The following KIAA0753 variants were observed in gnomAD, a reference collection of about 807,000 sequenced individuals.
KIAA0753 encodes KIAA0753, also known as protein moonraker.
KIAA0753 carries 114 observed loss-of-function variants against 116.9 expected under a neutral mutation model. The ratio of observed to expected loss-of-function variants is 0.98; its 90% CI spans 0.84 to 1.14. KIAA0753 has a LOEUF of 1.14. KIAA0753 is among the 50% of genes most tolerant of loss of function. The pLI is 0.00. For missense variants in KIAA0753, 1,156 were observed against 1,172.4 expected (o/e 0.99, Z 0.20); for synonymous variants, 405 against 413.1 (o/e 0.98, Z 0.24).
At chr17:6,606,717 CA>C (rs1384430661) in intron 12 of KIAA0753, among the ~76,000 whole-genome samples, 155 bp downstream of exon 12, 1 of 151,796 alleles carries the variant, frequency 6.6e-6, no homozygotes, top group Non-Finnish European at 1.5e-5. Flanking sequence ...CATTTCCTAG[CA>C]AAAAAATATG....
At chr17:6,619,195 C>T (rs1597565416) in intron 7 of KIAA0753, among the ~76,000 whole-genome samples, 1 of 151,926 alleles carries the variant, frequency 6.6e-6, no homozygotes, top group Non-Finnish European at 1.5e-5. Context: ...CATCACTGCA[C>T]TCCAGCCTGG....
chr17:6,594,964 ACACT>A lies in KIAA0753; in HGVS notation c.2440+4_2440+7del, dbSNP rs758401065. 10 of 1,597,868 alleles carry A rather than the reference ACACT, an allele frequency of 6.3e-6. No individual in the cohort carries two copies. Among genetic ancestry groups the A allele is most frequent in the East Asian group, 2.2e-5 (1 of 44,808 alleles). The stretch of plus-strand genomic sequence containing the variant: ...AATGTTAGGGGAAAAACATGGGGAA[ACACT>A]CACCATTGTTTTCTTCCTGCATCCA... On this transcript the variant is annotated splice_donor_5th_base_variant and intron_variant, in intron 16 of 18. Transcript: ENST00000361413.
chr17:6,620,356 T>C (rs763946352), intron 7 of KIAA0753, among the ~76,000 whole-genome samples: 38 of 151,824 alleles, frequency 2.5e-4, no homozygotes, highest in Non-Finnish European at 5.9e-5. Context: ...TAAATGTACG[T>C]ACTGTTATCA....
At chr17:6,606,819 G>T in intron 12 of KIAA0753, 54 bp downstream of exon 12, 1 of 1,470,702 alleles carries the variant, frequency 6.8e-7, no homozygotes, top group East Asian at 2.3e-5. Flanking sequence ...GAACTATCTA[G>T]ATCAATTAGA....
chr17:6,629,809 G>A lies in KIAA0753; in HGVS notation c.94-1068C>T, dbSNP rs181322376. ...TGACAAAACTTCAGGGAAGTATTTC[G>A]GATTTTTAAAAAGTAGTTAGAAAGC... is the stretch of plus-strand genomic sequence containing the variant. On this transcript the variant is annotated intron_variant, in intron 2 of 18. Coordinates refer to ENST00000361413, the MANE Select transcript of KIAA0753 (RefSeq NM_014804.3). Among the ~76,000 whole-genome samples, 19 of 152,168 alleles carry A rather than the reference G, an allele frequency of 1.2e-4. No individual in the cohort carries two copies. The South Asian group carries it at 2.9e-3, about 23-fold the overall frequency.
chr17:6,581,789 G>A (rs933894368), intron 18 of KIAA0753, among the ~76,000 whole-genome samples: 13 of 152,164 alleles, frequency 8.5e-5, no homozygotes, highest in African/African-American at 1.7e-4. Context: ...GATTTGGCCC[G>A]TAGGTGCCTC....
chr17:6,595,269 A>G (rs1969384353), intron 15 of KIAA0753, among the ~76,000 whole-genome samples: 1 of 152,226 alleles, frequency 6.6e-6, no homozygotes, highest in Non-Finnish European at 1.5e-5. Context: ...AGCACTGGCC[A>G]CTAGAAGCTG....
chr17:6,599,337 A>T lies in KIAA0753; in HGVS notation c.2089-17T>A. 6.6e-7 allele frequency: 1 copy of T among 1,521,858 alleles called. No homozygotes were observed. The highest frequency in any genetic ancestry group is 9.1e-7 in the Non-Finnish European group (1 of 1,096,854). 94.3% of individuals were successfully genotyped at this position (1,521,858 alleles called of 1,614,324 possible). On this transcript the variant is annotated splice_polypyrimidine_tract_variant and intron_variant, in intron 13 of 18. Transcript: ENST00000361413. The stretch of plus-strand genomic sequence containing the variant: ...ATTGACTCTCTATTAAAACAGACAA[A>T]TACATTCATGGAGTATAAAGACTTA...
chr17:6,607,475 G>A (rs979425482), intron 10 of KIAA0753, among the ~76,000 whole-genome samples: 20 of 152,208 alleles, frequency 1.3e-4, no homozygotes, highest in Middle Eastern at 3.4e-3. Flanking sequence ...AATGCACAAC[G>A]CAATGAGAAC....
chr17:6,586,827 A>T (rs1234353184), intron 18 of KIAA0753, among the ~76,000 whole-genome samples: 3 of 152,202 alleles, frequency 2.0e-5, no homozygotes, highest in African/African-American at 7.2e-5. Context: ...ACATTAAAAG[A>T]AAGGAAAAAA....
chr17:6,632,635 T>C (rs568966147), intron 2 of KIAA0753, among the ~76,000 whole-genome samples: 25 of 152,282 alleles, frequency 1.6e-4, no homozygotes, highest in Middle Eastern at 3.4e-3. Context: ...AACTTTACAA[T>C]GAAAAAACCA....
intron 16 of KIAA0753, among the ~76,000 whole-genome samples, chr17:6,591,377 G>C (rs1024364221): frequency 6.6e-6 from 1 of 152,152 alleles, no homozygotes. Flanking sequence ...ACAGAAGTAC[G>C]ATATAAGTCA....
chr17:6,626,436 C>T (rs1317564532), intron 3 of KIAA0753, among the ~76,000 whole-genome samples: 1 of 152,154 alleles, frequency 6.6e-6, no homozygotes, highest in Non-Finnish European at 1.5e-5. Context: ...TCTCAAGAGA[C>T]CCTATATGTC....
Position 6,620,866 on chromosome 17 carries a change from C to T in KIAA0753, c.1237G>A (p.Glu413Lys), listed in dbSNP as rs750334560. 3 of 1,614,204 alleles carry T rather than the reference C, an allele frequency of 1.9e-6. No homozygotes were observed. Among genetic ancestry groups the T allele is most frequent in the East Asian group, 2.2e-5 (1 of 44,878 alleles). ...ERWPSTSPKGERRPLTAKDTF... is the reference protein window; with the variant it reads ...ERWPSTSPKGKRRPLTAKDTF... ...TCCTTTGCTGTGAGGGGCCTCCTCT[C>T]ACCCTTTGGTGATGTACTTGGCCAT... Residue 413 changes from glutamate (E) to lysine (K), a missense_variant, in exon 7 of 19, where the codon GAG becomes AAG. By Grantham distance (56) the Glu-to-Lys change is moderately conservative (BLOSUM62 1). Coordinates refer to ENST00000361413, the MANE Select transcript of KIAA0753 (RefSeq NM_014804.3).
intron 1 of KIAA0753, chr17:6,640,005 TG>T: frequency 6.5e-6 from 1 of 152,810 alleles, no homozygotes; most frequent in Non-Finnish European, 1.5e-5. Flanking sequence ...CGATGGAGCC[TG>T]GGGTCCCAGG....
intron 8 of KIAA0753, among the ~76,000 whole-genome samples, chr17:6,611,366 T>C (rs1970533208): frequency 6.6e-6 from 1 of 152,058 alleles, no homozygotes; most frequent in Non-Finnish European, 1.5e-5. Context: ...AGTGGATCGA[T>C]CACAGCTCAC....
Position 6,606,696 on chromosome 17 carries a change from C to T in KIAA0753, c.2009+177G>A, listed in dbSNP as rs548654409. Reference sequence around the variant, plus strand: ...TTTTTCAGTTCTCCTTCAAACTCCACACAAAAGAAGCATTTCCTAGCAAAA... The same window carrying T: ...TTTTTCAGTTCTCCTTCAAACTCCATACAAAAGAAGCATTTCCTAGCAAAA... On this transcript the variant is annotated intron_variant, in intron 12 of 18. Coordinates refer to ENST00000361413, the MANE Select transcript of KIAA0753 (RefSeq NM_014804.3). Among the ~76,000 whole-genome samples, 3 of 152,260 alleles carry T rather than the reference C, an allele frequency of 2.0e-5. No homozygotes were observed. In the South Asian group the frequency reaches 6.2e-4, roughly 32 times the overall value.
At chr17:6,584,243 G>A (rs1968406456) in intron 18 of KIAA0753, among the ~76,000 whole-genome samples, 1 of 152,114 alleles carries the variant, frequency 6.6e-6, no homozygotes, top group South Asian at 2.1e-4. Flanking sequence ...CTCAACAAAG[G>A]GCTAACCTCC....
At chr17:6,609,890 T>A (rs1970419096) in intron 9 of KIAA0753, 104 bp downstream of exon 9, 1 of 1,262,276 alleles carries the variant, frequency 7.9e-7, no homozygotes, top group Non-Finnish European at 1.1e-6. Flanking sequence ...TGGAAAAAAT[T>A]AAGGCTACTA....
Sources: allele counts gnomAD v4.1 joint callset (sites outside exome capture counted in the v4.1 genomes callset), GRCh38; gene constraint gnomAD v4.1.1; transcripts MANE v1.5; gene names NCBI Gene and HGNC (gene_info 2026-07-23, HGNC 2026-07-21).